The following LIMS1 variants were observed in gnomAD, a reference collection of about 807,000 sequenced individuals.
The protein encoded by LIMS1 is LIM zinc finger domain containing 1, also known as LIM and senescent cell antigen-like-containing domain protein 1.
A neutral mutation model predicts 44.1 loss-of-function variants in LIMS1; 18 were observed. That is an observed-to-expected ratio of 0.41 (90% CI 0.28 to 0.61). The LOEUF (loss-of-function observed/expected upper bound fraction) is 0.61. Ranked by LOEUF, LIMS1 falls within the 20% of genes least tolerant of loss-of-function variation. LIMS1 has a pLI of 0.32. For synonymous variants in LIMS1, 93 were observed against 149.1 expected (o/e 0.62, Z 2.74); for missense variants, 201 against 422.0 (o/e 0.48, Z 4.59).
chr2:108,549,710 A>C (rs1573307055), intron 1 of LIMS1, among the ~76,000 whole-genome samples: 2 of 152,128 alleles, frequency 1.3e-5, no homozygotes, highest in African/African-American at 2.4e-5. Context: ...CAGAATTCCA[A>C]GTGGAATTCT....
At chr2:108,605,167 AAC>A (rs112783530) in intron 1 of LIMS1, among the ~76,000 whole-genome samples, 1,855 of 152,318 alleles carry the variant, frequency 0.012, 45 homozygotes, top group African/African-American at 0.043. Flanking sequence ...GCACGGTTGT[AAC>A]AGCACTCATG....
At chr2:108,624,852 G>A (rs182609989) in intron 1 of LIMS1, among the ~76,000 whole-genome samples, 88 of 152,374 alleles carry the variant, frequency 5.8e-4, no homozygotes, top group African/African-American at 2.1e-3. Context: ...GCCGAGGCAG[G>A]CAGATCACCT....
chr2:108,580,494 G>A (rs1685844986), intron 1 of LIMS1, among the ~76,000 whole-genome samples: 1 of 152,112 alleles, frequency 6.6e-6, no homozygotes, highest in South Asian at 2.1e-4. Flanking sequence ...CACCCAGAAG[G>A]CAGTGTTACG....
chr2:108,559,844 C>T (rs1249473859), intron 1 of LIMS1, among the ~76,000 whole-genome samples: 1 of 152,152 alleles, frequency 6.6e-6, no homozygotes, highest in Non-Finnish European at 1.5e-5. Flanking sequence ...CTAAAGCAGC[C>T]TTAAAAACTG....
intron 1 of LIMS1, among the ~76,000 whole-genome samples, chr2:108,569,283 A>G (rs1425798960): frequency 6.6e-6 from 1 of 152,080 alleles, no homozygotes; most frequent in African/African-American, 2.4e-5. Flanking sequence ...CTCCTGTTTC[A>G]TATTTTGCCT....
intron 1 of LIMS1, among the ~76,000 whole-genome samples, chr2:108,542,215 C>T (rs193174844): frequency 4.9e-4 from 75 of 152,252 alleles, no homozygotes; most frequent in African/African-American, 1.6e-3. Context: ...CTGGCAGAGA[C>T]CCAACATCAT....
chr2:108,544,801 A>G (rs1333326825), intron 1 of LIMS1, among the ~76,000 whole-genome samples: 1 of 152,170 alleles, frequency 6.6e-6, no homozygotes, highest in African/African-American at 2.4e-5. Context: ...GGCCAGCCTC[A>G]ATAATTATTG....
At chr2:108,550,252 T>G (rs1374138133) in intron 1 of LIMS1, among the ~76,000 whole-genome samples, 3 of 151,966 alleles carry the variant, frequency 2.0e-5, no homozygotes, top group East Asian at 3.9e-4. Flanking sequence ...TCCCAGCACT[T>G]TGGGAGGTTT....
chr2:108,580,194 C>T (rs1685832410), intron 1 of LIMS1, among the ~76,000 whole-genome samples: 1 of 152,204 alleles, frequency 6.6e-6, no homozygotes, highest in South Asian at 2.1e-4. Context: ...TTCCCGGTGT[C>T]TCTGCAGAAC....
At chr2:108,560,911 T>C (rs112988306) in intron 1 of LIMS1, among the ~76,000 whole-genome samples, 26 of 152,316 alleles carry the variant, frequency 1.7e-4, no homozygotes, top group African/African-American at 5.1e-4. Flanking sequence ...TGATGCCTTC[T>C]GTGTGTCTGT....
At chr2:108,559,486 ACT>A (rs1414008633) in intron 1 of LIMS1, among the ~76,000 whole-genome samples, 2 of 152,100 alleles carry the variant, frequency 1.3e-5, no homozygotes, top group African/African-American at 4.8e-5. Flanking sequence ...CTTATAATCA[ACT>A]CTCTTAATTT....
At chr2:108,566,127 T>C (rs1374034674) in intron 1 of LIMS1, among the ~76,000 whole-genome samples, 1 of 152,246 alleles carries the variant, frequency 6.6e-6, no homozygotes, top group Non-Finnish European at 1.5e-5. Flanking sequence ...GCTCCGTCAC[T>C]TACTGTGTTG....
chr2:108,593,361 C>T (rs1686505178), intron 1 of LIMS1, among the ~76,000 whole-genome samples: 1 of 152,084 alleles, frequency 6.6e-6, no homozygotes, highest in South Asian at 2.1e-4. Context: ...CTTCGATTGC[C>T]TTTTCTTTCC....
intron 1 of LIMS1, among the ~76,000 whole-genome samples, chr2:108,560,599 C>A (rs1285411582): frequency 6.6e-6 from 1 of 151,978 alleles, no homozygotes; most frequent in East Asian, 1.9e-4. Flanking sequence ...CCCTGACACT[C>A]CTGATTGCCC....
intron 1 of LIMS1, among the ~76,000 whole-genome samples, chr2:108,559,938 C>T (rs967358096): frequency 6.6e-6 from 1 of 152,062 alleles, no homozygotes; most frequent in East Asian, 1.9e-4. Context: ...CAAGTGGAGC[C>T]CACCCGCCAG....
chr2:108,617,981 T>C lies in LIMS1; in HGVS notation c.33-41624T>C, dbSNP rs182345229. Among the ~76,000 whole-genome samples, 160 of 152,344 alleles carry C rather than the reference T, an allele frequency of 1.1e-3. 2 individuals are homozygous for C. The highest frequency in any genetic ancestry group is 1.0e-2 in the South Asian group (48 of 4,820). On this transcript the variant is annotated intron_variant, in intron 1 of 9. Transcript: ENST00000544547. The stretch of plus-strand genomic sequence containing the variant: ...TGTCTTATTCCCAGTTTTTGTGAAC[T>C]GTTGTTCCTCAAGAACCACTGGGCA...
rs1684268098 is a variant in LIMS1, at chr2:108,540,130, G to A, written c.32+5536G>A. On this transcript the variant is annotated intron_variant, in intron 1 of 9. Coordinates refer to ENST00000544547, the Ensembl canonical transcript of LIMS1. ...TATGCACATACTAAGTGTTTGAAGT[G>A]GAACAAATGATGTTTTGTGAATGTT... Among the ~76,000 whole-genome samples, 4 of 149,688 alleles carry A rather than the reference G, an allele frequency of 2.7e-5. No individual in the cohort carries two copies. The South Asian group carries it at 8.6e-4, about 32-fold the overall frequency.
At chr2:108,612,782 C>A (rs1281941022) in intron 1 of LIMS1, among the ~76,000 whole-genome samples, 1 of 152,072 alleles carries the variant, frequency 6.6e-6, no homozygotes, top group South Asian at 2.1e-4. Context: ...AAGGTGTGGG[C>A]TGGCTGAGGT....
chr2:108,683,281 A>AT (rs1351670198), intron 9 of LIMS1, among the ~76,000 whole-genome samples: 2 of 152,226 alleles, frequency 1.3e-5, no homozygotes, highest in African/African-American at 4.8e-5. Flanking sequence ...CATTCACATT[A>AT]TAAAAATATG....
Sources: gnomAD v4.1 joint callset for allele counts (sites outside exome capture counted in the v4.1 genomes callset) on GRCh38, gnomAD v4.1.1 for gene constraint, MANE v1.5 for transcripts, NCBI Gene and HGNC (gene_info 2026-07-23, HGNC 2026-07-21) for gene names.